The following MTHFD1L variants were observed in gnomAD, a reference collection of about 807,000 sequenced individuals.
MTHFD1L encodes the protein methylenetetrahydrofolate dehydrogenase (NADP+ dependent) 1 like.
In MTHFD1L, 81 loss-of-function variants were observed where a neutral mutation model predicts 119.5. That is an observed-to-expected ratio of 0.68 (90% confidence interval 0.57 to 0.82). The LOEUF is 0.82. MTHFD1L is among the 40% of genes least tolerant of loss of function. MTHFD1L has a pLI of 0.00. For missense variants in MTHFD1L, 1,125 were observed against 1,253.4 expected, an observed-to-expected ratio of 0.90 and a Z score of 1.55; for synonymous variants, 430 against 475.2, an observed-to-expected ratio of 0.90 and a Z score of 1.24.
chr6:150,924,274 G>A (rs1373752141), intron 10 of MTHFD1L, among the ~76,000 whole-genome samples: 4 of 152,168 alleles, frequency 2.6e-5, no homozygotes, highest in Non-Finnish European at 5.9e-5. Flanking sequence ...AGGCTGGAGT[G>A]CAGTGGCTTC....
chr6:151,088,070 G>T (rs907238646), intron 26 of MTHFD1L: 26 of 152,192 alleles, frequency 1.7e-4, no homozygotes, highest in Non-Finnish European at 2.9e-5. Flanking sequence ...CTGCAGTGCT[G>T]TATGTCTGGG....
At chr6:151,018,333 T>C (rs1783447026) in intron 24 of MTHFD1L, among the ~76,000 whole-genome samples, 1 of 152,216 alleles carries the variant, frequency 6.6e-6, no homozygotes, top group Non-Finnish European at 1.5e-5. Context: ...GCAGCGTTGT[T>C]GATAAGCCTG....
intron 20 of MTHFD1L, among the ~76,000 whole-genome samples, chr6:150,994,078 A>AAGGAAGGAAGG (rs1252305117): frequency 5.9e-5 from 7 of 118,064 alleles, no homozygotes; most frequent in African/African-American, 3.1e-4. Context: ...AAAAAAAAAA[A>AAGGAAGGAAGG]AAGAAAGAAA....
chr6:151,017,641 G>A (rs1338306971), intron 24 of MTHFD1L, among the ~76,000 whole-genome samples: 1 of 151,954 alleles, frequency 6.6e-6, no homozygotes, highest in Non-Finnish European at 1.5e-5. Flanking sequence ...CACCGCGCCC[G>A]GCCAGAATTT....
chr6:150,915,082 G>A (rs2128877015), intron 8 of MTHFD1L, among the ~76,000 whole-genome samples: 1 of 152,286 alleles, frequency 6.6e-6, no homozygotes, highest in East Asian at 1.9e-4. Context: ...CAAAGAGTTT[G>A]TTTTGTTAAT....
At position 150,875,666 on chromosome 6, in the gene MTHFD1L, C is replaced by G. The variant is rs572217144; in HGVS notation, c.228-424C>G. 2.0e-5 allele frequency among the ~76,000 whole-genome samples: 3 copies of G among 152,092 alleles called. No homozygotes were observed. The East Asian group carries it at 5.8e-4, about 29-fold the overall frequency. On this transcript the variant is annotated intron_variant, in intron 1 of 27. Coordinates refer to ENST00000367321, the MANE Select transcript of MTHFD1L (RefSeq NM_015440.5). ...CCCCCTGTCTTCACCCCCCTAATCC[C>G]CTGTCTTCACATCCCTCTTCCCACT... is the stretch of plus-strand genomic sequence containing the variant.
intron 19 of MTHFD1L, among the ~76,000 whole-genome samples, chr6:150,965,930 G>C (rs1410309241): frequency 1.3e-5 from 2 of 152,162 alleles, no homozygotes; most frequent in Non-Finnish European, 2.9e-5. Flanking sequence ...GGTCATGAGG[G>C]GCAGAGTGAT....
At chr6:151,046,441 A>AATAT (rs375143403) in intron 26 of MTHFD1L, among the ~76,000 whole-genome samples, 24 of 134,292 alleles carry the variant, frequency 1.8e-4, no homozygotes, top group African/African-American at 6.0e-4. Flanking sequence ...TACAACTGGT[A>AATAT]ATATATATAT....
chr6:151,101,309 T>C (rs575569233), intron 27 of MTHFD1L, among the ~76,000 whole-genome samples: 14 of 152,224 alleles, frequency 9.2e-5, no homozygotes, highest in Non-Finnish European at 1.8e-4. Context: ...ATGGCGTAGC[T>C]GTGCCTGCTC....
In MTHFD1L at chr6:150,885,744, T is replaced by C. The variant is rs745816763; in HGVS notation, c.643+10T>C. On this transcript the variant is annotated intron_variant, in intron 6 of 27. Transcript: ENST00000367321. The stretch of plus-strand genomic sequence containing the variant: ...CTTCTTGAAAAATCAGGTAGGATGC[T>C]CCTTGAGAAATGCCGCTGATTTCTA... 2 of 1,591,154 alleles carry C rather than the reference T, an allele frequency of 1.3e-6. No homozygotes were observed. Among genetic ancestry groups the C allele is most frequent in the African/African-American group, 1.3e-5 (1 of 74,496 alleles).
At chr6:151,022,032 T>A (rs141338926) in intron 24 of MTHFD1L, 1 of 471,198 alleles carries the variant, frequency 2.1e-6, no homozygotes, top group Non-Finnish European at 4.4e-6. Flanking sequence ...CGTGAAGCCA[T>A]TCTCTTGATC....
chr6:150,973,620 A>G (rs1159778804), intron 20 of MTHFD1L, among the ~76,000 whole-genome samples: 1 of 152,224 alleles, frequency 6.6e-6, no homozygotes, highest in Non-Finnish European at 1.5e-5. Flanking sequence ...ACCAGTTCTT[A>G]CTTTGTCAAA....
At chr6:150,869,253 C>G (rs1277999775) in intron 1 of MTHFD1L, among the ~76,000 whole-genome samples, 2 of 152,090 alleles carry the variant, frequency 1.3e-5, no homozygotes, top group African/African-American at 2.4e-5. Flanking sequence ...TGGTTTGCTG[C>G]ACCCATCAAC....
chr6:151,049,787 G>A (rs79503555), intron 26 of MTHFD1L, among the ~76,000 whole-genome samples: 4,000 of 152,060 alleles, frequency 0.026, 134 homozygotes, highest in South Asian at 0.1. Context: ...ATTGATTTTC[G>A]TCCATGGTTC....
chr6:150,981,912 C>G (rs1777554056), intron 20 of MTHFD1L, among the ~76,000 whole-genome samples: 1 of 151,998 alleles, frequency 6.6e-6, no homozygotes, highest in South Asian at 2.1e-4. Context: ...ATAGCAAGAT[C>G]CCATCTCTAT....
chr6:151,041,257 G>C (rs1253684534), intron 26 of MTHFD1L, among the ~76,000 whole-genome samples: 1 of 152,220 alleles, frequency 6.6e-6, no homozygotes, highest in Non-Finnish European at 1.5e-5. Context: ...AGAGGGGCCA[G>C]GATCTCCTAA....
chr6:150,897,071 C>T (rs1208946021), intron 7 of MTHFD1L, among the ~76,000 whole-genome samples: 5 of 151,924 alleles, frequency 3.3e-5, no homozygotes, highest in African/African-American at 4.8e-5. Flanking sequence ...GAGCCGAGAT[C>T]GCGCCACTGC....
intron 19 of MTHFD1L, among the ~76,000 whole-genome samples, chr6:150,966,112 C>T (rs181698107): frequency 1.7e-4 from 26 of 152,214 alleles, no homozygotes; most frequent in African/African-American, 5.8e-4. Context: ...ACAGCAAGAG[C>T]GAGGATCTGG....
intron 27 of MTHFD1L, among the ~76,000 whole-genome samples, chr6:151,096,824 C>T (rs1794931226): frequency 6.6e-6 from 1 of 152,160 alleles, no homozygotes; most frequent in Non-Finnish European, 1.5e-5. Context: ...GCCTGTCTCA[C>T]CTCCTAGGAA....
Sources: allele counts gnomAD v4.1 joint callset (sites outside exome capture counted in the v4.1 genomes callset), GRCh38; gene constraint gnomAD v4.1.1; transcripts MANE v1.5; gene names NCBI Gene and HGNC (gene_info 2026-07-23, HGNC 2026-07-21).